TENM2: variants seen among roughly 807,000 people sequenced by gnomAD.
TENM2 encodes teneurin transmembrane protein 2, also known as teneurin-2.
In TENM2, 52 loss-of-function variants were observed where a neutral mutation model predicts 245.2. The observed-to-expected ratio is 0.21, with a 90% CI of 0.17 to 0.27. The LOEUF is 0.27. Among genes scored for constraint, TENM2 ranks in the 10% least tolerant of loss-of-function variants. The pLI is 1.00. For missense variants in TENM2, 3,046 were observed against 3,666.8 expected (o/e 0.83, Z 4.37); for synonymous variants, 1,363 against 1,438.9 (o/e 0.95, Z 1.19).
intron 3 of TENM2, among the ~76,000 whole-genome samples, chr5:167,932,606 G>A (rs1345189859): frequency 1.3e-5 from 2 of 152,064 alleles, no homozygotes; most frequent in Non-Finnish European, 2.9e-5. Context: ...AGGAGACCCT[G>A]TTGAATTAAT....
rs918802199 is a variant in TENM2 at position 168,240,867 on chromosome 5, C to T, written c.5521-3553C>T. The T allele has an allele frequency of 2.0e-5, 3 of 152,148 alleles. No homozygotes were observed. The South Asian group carries it at 6.2e-4, about 32-fold the overall frequency. 9.4% of individuals were successfully genotyped at this position (152,148 alleles called of 1,614,324 possible). A position where few individuals can be genotyped will look rare whatever the true frequency, so the allele number is the denominator to read the frequency against. On this transcript the variant is annotated intron_variant, in intron 25 of 28. Coordinates refer to ENST00000518659, the Ensembl canonical transcript of TENM2. ...TTGTTGCATCATTCATTCTGCCTAA[C>T]AAAATGTTGGAGAGGTCTTGAACCA...
At chr5:167,329,776 A>G (rs1031565750) in intron 1 of TENM2, among the ~76,000 whole-genome samples, 10 of 152,226 alleles carry the variant, frequency 6.6e-5, no homozygotes, top group Admixed American at 6.5e-4. Context: ...AGGAAGAGAT[A>G]TGGGGGATAG....
rs1248523099 is a variant in TENM2 at position 167,286,091 on chromosome 5, C to A, written c.226+1028C>A. ...ATATATGTTATTAATTAGCACTATG[C>A]CCACGGTTTATAAATCTACAATCCA... On this transcript the variant is annotated intron_variant, in intron 1 of 28. Transcript: ENST00000518659. Among the ~76,000 whole-genome samples the A allele has an allele frequency of 2.6e-5, 4 of 152,166 alleles. No individual in the cohort carries two copies. In the South Asian group the frequency reaches 8.3e-4, roughly 32 times the overall value.
At chr5:167,961,890 T>A (rs1248106581) in intron 4 of TENM2, among the ~76,000 whole-genome samples, 1 of 152,206 alleles carries the variant, frequency 6.6e-6, no homozygotes, top group African/African-American at 2.4e-5. Flanking sequence ...GCCCTAGTTG[T>A]TACATTTACA....
At chr5:167,725,846 C>A (rs1759965640) in intron 2 of TENM2, among the ~76,000 whole-genome samples, 1 of 151,972 alleles carries the variant, frequency 6.6e-6, no homozygotes, top group Non-Finnish European at 1.5e-5. Flanking sequence ...TGCCTGAAAT[C>A]CCCTTCCTCT....
chr5:167,402,522 C>T (rs1205234216), intron 2 of TENM2, among the ~76,000 whole-genome samples: 1 of 152,026 alleles, frequency 6.6e-6, no homozygotes, highest in Non-Finnish European at 1.5e-5. Flanking sequence ...ATATGGTAAG[C>T]AAGAGTTAGA....
intron 2 of TENM2, among the ~76,000 whole-genome samples, chr5:167,641,957 A>C (rs866598743): frequency 6.6e-6 from 1 of 152,032 alleles, no homozygotes; most frequent in Non-Finnish European, 1.5e-5. Context: ...CCTGACCAAC[A>C]TGGTGAAACC....
At chr5:167,380,189 A>C (rs1299184473) in intron 2 of TENM2, among the ~76,000 whole-genome samples, 1 of 152,100 alleles carries the variant, frequency 6.6e-6, no homozygotes, top group African/African-American at 2.4e-5. Flanking sequence ...AAGTCCAGGT[A>C]TTGGAAGCTA....
chr5:168,090,259 C>CAT (rs1413467184), intron 7 of TENM2, among the ~76,000 whole-genome samples: 1 of 148,098 alleles, frequency 6.8e-6, no homozygotes, highest in Non-Finnish European at 1.5e-5. Flanking sequence ...CACACACACA[C>CAT]ACACGATGCA....
At chr5:168,167,970 C>G (rs1344076611) in intron 13 of TENM2, among the ~76,000 whole-genome samples, 1 of 152,126 alleles carries the variant, frequency 6.6e-6, no homozygotes, top group Non-Finnish European at 1.5e-5. Context: ...ATGTTATTTT[C>G]TAGAAAGGAG....
chr5:167,321,319 A>G lies in TENM2; in HGVS notation c.226+36256A>G, dbSNP rs544616120. ...GGGGCTGTTCAGGCCAGGATAAAAAAGGAAATGGGTGTCATTCCTGAAGCT... is the reference window on the plus strand; with the variant it reads ...GGGGCTGTTCAGGCCAGGATAAAAAGGGAAATGGGTGTCATTCCTGAAGCT... On this transcript the variant is annotated intron_variant, in intron 1 of 28. Transcript: ENST00000518659. Among the ~76,000 whole-genome samples the G allele has an allele frequency of 9.8e-5, 15 of 152,334 alleles. No homozygotes were observed. In the South Asian group the frequency reaches 3.1e-3, roughly 32 times the overall value.
the TENM2 span, among the ~76,000 whole-genome samples, chr5:167,020,217 T>C: frequency 1.3e-5 from 2 of 152,186 alleles, no homozygotes; most frequent in African/African-American, 4.8e-5. Context: ...TGAGTAGCTT[T>C]GAGGTCAGGA....
At chr5:167,168,190 T>TTCTG in the TENM2 span, 2 of 152,234 alleles carry the variant, frequency 1.3e-5, no homozygotes, top group Non-Finnish European at 2.9e-5. Context: ...TAAGTTTGAA[T>TTCTG]TGTTTATGCT....
At chr5:167,247,430 T>C in the TENM2 span, among the ~76,000 whole-genome samples, 1 of 152,130 alleles carries the variant, frequency 6.6e-6, no homozygotes, top group African/African-American at 2.4e-5. Context: ...TGGAGAAACA[T>C]TATCAAAGTT....
At chr5:167,153,950 A>T in the TENM2 span, among the ~76,000 whole-genome samples, 1 of 152,200 alleles carries the variant, frequency 6.6e-6, no homozygotes, top group African/African-American at 2.4e-5. Context: ...TATTTCTGCT[A>T]CTGCTGTAGA....
At chr5:167,815,972 TTGTGTGTG>T (rs34151147) in intron 2 of TENM2, among the ~76,000 whole-genome samples, 1,906 of 144,084 alleles carry the variant, frequency 0.013, 17 homozygotes, top group African/African-American at 0.039. Flanking sequence ...TTATGATCCT[TTGTGTGTG>T]TGTGTGTGTG....
intron 1 of TENM2, among the ~76,000 whole-genome samples, chr5:167,334,600 CTT>C (rs1262754145): frequency 6.6e-6 from 1 of 152,110 alleles, no homozygotes; most frequent in African/African-American, 2.4e-5. Context: ...TTCTTCCTCT[CTT>C]GTTTTTTCCT....
chr5:168,088,355 A>G (rs1036682118), intron 7 of TENM2: 2 of 152,244 alleles, frequency 1.3e-5, no homozygotes, highest in African/African-American at 4.8e-5. Context: ...AAGCAGCATC[A>G]GTTTGTCATA....
Position 168,074,503 on chromosome 5 carries a change from A to G in TENM2, c.1515+12238A>G, listed in dbSNP as rs1562125032. Among the ~76,000 whole-genome samples the G allele has an allele frequency of 2.0e-5, 3 of 152,194 alleles. No individual in the cohort carries two copies. In the South Asian group the frequency reaches 6.2e-4, roughly 32 times the overall value. The stretch of plus-strand genomic sequence containing the variant: ...GAAAAATCTGAAGTTGTTCTAGAAT[A>G]TCAGCTCCAGAAGGACAGCAGCTGT... On this transcript the variant is annotated intron_variant, in intron 7 of 28. Coordinates refer to ENST00000518659, the Ensembl canonical transcript of TENM2.
Sources: gnomAD v4.1 joint callset for allele counts (sites outside exome capture counted in the v4.1 genomes callset) on GRCh38, gnomAD v4.1.1 for gene constraint, MANE v1.5 for transcripts, NCBI Gene and HGNC (gene_info 2026-07-23, HGNC 2026-07-21) for gene names.